Variants in NCKAP5L observed in about 807,000 individuals in gnomAD.
NCKAP5L encodes the protein nck-associated protein 5-like.
Under a neutral mutation model 103.2 loss-of-function variants are expected in NCKAP5L, and 54 were observed. The observed-to-expected ratio is 0.52, with a 90% CI of 0.42 to 0.66. The LOEUF (loss-of-function observed/expected upper bound fraction) is 0.66. NCKAP5L is among the 30% of genes least tolerant of loss of function. The pLI is 0.00. For synonymous variants in NCKAP5L, 762 were observed against 748.6 expected (o/e 1.02, Z -0.29); for missense variants, 1,733 against 1,750.6 (o/e 0.99, Z 0.18).
chr12:49,796,666 C>T lies in NCKAP5L; in HGVS notation c.1194G>A (p.Glu398=), dbSNP rs778529815. 6.3e-7 allele frequency: 1 copy of T among 1,582,528 alleles called. No individual in the cohort carries two copies. Among genetic ancestry groups the T allele is most frequent in the Non-Finnish European group, 8.6e-7 (1 of 1,165,754 alleles). The stretch of plus-strand genomic sequence containing the variant: ...TAAGGAAGGGGAGGGGCCCCTGGCC[C>T]TCTGAGGTAGCACCGAAGCCTGGCC... The part of the protein sequence containing the change: ...AHRPGFGATS[E]GQGPLPFLSM... The change falls in exon 8 of 13, where the codon GAG becomes GAA. Residue 398 remains glutamate (E), a synonymous_variant. Transcript: ENST00000335999.
intron 5 of NCKAP5L, 108 bp downstream of exon 5, chr12:49,802,850 G>C: frequency 7.6e-7 from 1 of 1,323,826 alleles, no homozygotes; most frequent in Non-Finnish European, 1.0e-6. Context: ...GCGGAAAGAC[G>C]GGGAATCACT....
At chr12:49,799,609 G>A (rs528741703) in intron 6 of NCKAP5L, among the ~76,000 whole-genome samples, 31 of 152,126 alleles carry the variant, frequency 2.0e-4, no homozygotes, top group African/African-American at 4.6e-4. Context: ...GAGCTACCGC[G>A]CTCGGCCTCA....
intron 6 of NCKAP5L, among the ~76,000 whole-genome samples, chr12:49,800,648 T>C (rs910688183): frequency 4.6e-5 from 7 of 152,218 alleles, no homozygotes; most frequent in Non-Finnish European, 7.3e-5. Flanking sequence ...CTATAGTCTG[T>C]AAACCTTAGT....
intron 1 of NCKAP5L, among the ~76,000 whole-genome samples, chr12:49,807,722 C>T (rs1946196130): frequency 6.6e-6 from 1 of 152,234 alleles, no homozygotes; most frequent in South Asian, 2.1e-4. Context: ...CCTCCAGCAT[C>T]TGACCAGTGC....
At chr12:49,809,189 G>C (rs891222940) in intron 1 of NCKAP5L, among the ~76,000 whole-genome samples, 2 of 152,160 alleles carry the variant, frequency 1.3e-5, no homozygotes, top group Non-Finnish European at 2.9e-5. Flanking sequence ...AAGCCAGGAG[G>C]GGACAGGGGC....
Position 49,796,619 on chromosome 12 carries a change from T to G in NCKAP5L, c.1241A>C (p.Asp414Ala). 1 of 1,596,018 alleles carries G rather than the reference T, an allele frequency of 6.3e-7. No individual in the cohort carries two copies. Among genetic ancestry groups the G allele is most frequent in the Non-Finnish European group, 8.5e-7 (1 of 1,172,346 alleles). ...PFLSMFMGAG[D>A]APLGSRPGHP... ...GCCAGGCCGAGAGCCCAGTGGGGCA[T>G]CCCCAGCACCCATGAACATGCTAAG... Residue 414 changes from aspartate (D) to alanine (A), a missense_variant, in exon 8 of 13, where the codon GAT becomes GCT. Transcript: ENST00000335999.
intron 1 of NCKAP5L, among the ~76,000 whole-genome samples, chr12:49,820,507 G>A (rs912119556): frequency 5.9e-5 from 9 of 152,056 alleles, no homozygotes; most frequent in African/African-American, 2.2e-4. Context: ...AGTAGAGACG[G>A]TGTTTCACCG....
chr12:49,802,547 C>G (rs1392144008), intron 5 of NCKAP5L: 2 of 179,768 alleles, frequency 1.1e-5, no homozygotes, highest in Non-Finnish European at 2.3e-5. Flanking sequence ...GCGCCTGGCC[C>G]TCTGCCTCTT....
intron 1 of NCKAP5L, among the ~76,000 whole-genome samples, chr12:49,827,379 G>A (rs908488465): frequency 1.3e-5 from 2 of 152,222 alleles, no homozygotes; most frequent in African/African-American, 4.8e-5. Context: ...AGTAGCAGCT[G>A]GACAGACTAA....
Position 49,792,729 on chromosome 12 carries a change from C to T in NCKAP5L, c.3598G>A (p.Ala1200Thr). 6.2e-7 allele frequency: 1 copy of T among 1,610,530 alleles called. No homozygotes were observed. The highest frequency in any genetic ancestry group is 8.5e-7 in the Non-Finnish European group (1 of 1,178,870). Residue 1200 changes from alanine (A) to threonine (T), a missense_variant, in exon 11 of 13, where the codon GCA (alanine) becomes ACA (threonine). Ala to Thr is a moderately conservative substitution (Grantham distance 58). Coordinates refer to ENST00000335999, the MANE Select transcript of NCKAP5L (RefSeq NM_001037806.4). The surrounding 1 kb of genome is among the most constrained non-coding windows in gnomAD (Gnocchi z 4.5). ...TGGCCCGGAGCAGCGGGTAGCAGTG[C>T]AGGGAAGGCTGGCATGCTGGGGTGC... is the stretch of plus-strand genomic sequence containing the variant. ...GRHPSMPAFP[A>T]LLPAAPGHRG...
chr12:49,793,518 G>C, intron 9 of NCKAP5L, 85 bp from the exon 10 acceptor site: 1 of 1,429,918 alleles, frequency 7.0e-7, no homozygotes, highest in African/African-American at 1.4e-5. Context: ...GAATGTGTCT[G>C]TAAACATATG....
chr12:49,793,536 G>C (rs1287950661), intron 9 of NCKAP5L, 103 bp from the exon 10 acceptor site: 2 of 1,326,806 alleles, frequency 1.5e-6, no homozygotes, highest in East Asian at 2.4e-5. Flanking sequence ...ATGAGAGTAT[G>C]AGGATTAGGG....
intron 1 of NCKAP5L, among the ~76,000 whole-genome samples, chr12:49,814,681 G>T (rs891687221): frequency 8.6e-5 from 13 of 151,434 alleles, no homozygotes; most frequent in Non-Finnish European, 1.5e-5. Flanking sequence ...TTAAAAAAAA[G>T]ACATAGTAGC....
chr12:49,792,855 C>T lies in NCKAP5L; in HGVS notation c.3472G>A (p.Val1158Ile), dbSNP rs755796115. 1 of 1,551,498 alleles carries T rather than the reference C, an allele frequency of 6.4e-7. No homozygotes were observed. The highest frequency in any genetic ancestry group is 8.7e-7 in the Non-Finnish European group (1 of 1,153,974). The change falls in exon 11 of 13, where the codon GTA becomes ATA. Residue 1158 changes from valine (V) to isoleucine (I), a missense_variant. Coordinates refer to ENST00000335999, the MANE Select transcript of NCKAP5L (RefSeq NM_001037806.4). This position sits in a 1 kb window ranked among gnomAD's most constrained non-coding sequence, Gnocchi z 4.5. ...AGGGGTGGGGGCCGAGCTGGGGGTA[C>T]CCCAGGTGGGGGATCCAGCCGCGGT... ...KPPRLDPPPG[V>I]PPARPPPLTK... is the part of the protein sequence containing the mutation.
Position 49,795,435 on chromosome 12 carries a change from T to C in NCKAP5L, c.2425A>G (p.Lys809Glu). 1.3e-6 allele frequency: 2 copies of C among 1,581,770 alleles called. No homozygotes were observed. The highest frequency in any genetic ancestry group is 1.4e-5 in the African/African-American group (1 of 73,642). Residue 809 changes from lysine to glutamate, a missense_variant, in exon 8 of 13, where the codon AAG (lysine) becomes GAG (glutamate). Lys to Glu is a moderately conservative substitution (Grantham distance 56). Transcript: ENST00000335999. ...TSAPSLGKPN[K>E]SPHSSPTKLP... ...TTGGTGGGGCTGCTGTGAGGGCTCT[T>C]ATTGGGCTTGCCCAGGCTTGGGGCT...
chr12:49,803,708 C>T (rs867406684), intron 3 of NCKAP5L, among the ~76,000 whole-genome samples: 19 of 152,144 alleles, frequency 1.2e-4, no homozygotes, highest in African/African-American at 2.7e-4. Context: ...TTCTTGTCCC[C>T]GAGCCGTCAC....
At position 49,793,359 on chromosome 12, in the gene NCKAP5L, G is replaced by A. The variant is rs567295428; in HGVS notation, c.3333C>T (p.His1111=). 6.8e-6 allele frequency: 11 copies of A among 1,607,228 alleles called. No individual in the cohort carries two copies. In the East Asian group the frequency reaches 1.6e-4, roughly 23 times the overall value. The change falls in exon 10 of 13, where the codon CAC becomes CAT. Residue 1111 remains histidine (H), a synonymous_variant. Transcript: ENST00000335999. ...GCCCCTGACCCTGCTGACCTGTGAA[G>A]TGTGAGGTGGGCACTGGCTCGGCCA... ...DSLAEPVPTS[H]FTACGSLTRT... is the part of the protein sequence containing the mutation.
chr12:49,824,398 A>C (rs1946393931), intron 1 of NCKAP5L, among the ~76,000 whole-genome samples: 1 of 152,238 alleles, frequency 6.6e-6, no homozygotes, highest in Admixed American at 6.5e-5. Context: ...GAAATGGGGA[A>C]GACTGCTTCT....
At chr12:49,793,539 G>T in intron 9 of NCKAP5L, 106 bp from the exon 10 acceptor site, 2 of 1,316,182 alleles carry the variant, frequency 1.5e-6, no homozygotes, top group Non-Finnish European at 2.1e-6. Flanking sequence ...AGAGTATGAG[G>T]ATTAGGGCCC....
Sources: gnomAD v4.1 joint callset for allele counts (sites outside exome capture counted in the v4.1 genomes callset) on GRCh38, gnomAD v4.1.1 for gene constraint, Gnocchi (gnomAD v3.1) non-coding constraint, MANE v1.5 for transcripts, NCBI Gene and HGNC (gene_info 2026-07-23, HGNC 2026-07-21) for gene names.